The following STAG1 variants were observed in gnomAD, a reference collection of about 807,000 sequenced individuals.
STAG1 encodes cohesin subunit SA-1.
STAG1 carries 26 observed loss-of-function variants against 170.9 expected under a neutral mutation model. The ratio of observed to expected loss-of-function variants is 0.15; its 90% CI spans 0.11 to 0.21. The LOEUF (loss-of-function observed/expected upper bound fraction) is 0.21. STAG1 is among the 10% of genes least tolerant of loss of function. The pLI is 1.00. For missense variants in STAG1, 964 were observed against 1,509.5 expected (o/e 0.64, Z 5.99); for synonymous variants, 514 against 497.7 (o/e 1.03, Z -0.44).
At chr3:136,538,195 T>C (rs1935731686) in intron 6 of STAG1, among the ~76,000 whole-genome samples, 1 of 152,136 alleles carries the variant, frequency 6.6e-6, no homozygotes, top group South Asian at 2.1e-4. Flanking sequence ...TTTACACAAA[T>C]AATGATAGCG....
intron 22 of STAG1, among the ~76,000 whole-genome samples, chr3:136,388,442 C>G (rs564737524): frequency 1.9e-4 from 29 of 152,118 alleles, no homozygotes; most frequent in Non-Finnish European, 3.8e-4. Flanking sequence ...GATCTTGGCT[C>G]ACTGCAACCT....
intron 23 of STAG1, among the ~76,000 whole-genome samples, chr3:136,373,809 ATG>A (rs1308978168): frequency 6.6e-6 from 1 of 152,280 alleles, no homozygotes; most frequent in Non-Finnish European, 1.5e-5. Context: ...GCTGAAAAGA[ATG>A]TATATTCTGT....
chr3:136,450,753 A>AT (rs2088912731), intron 14 of STAG1, among the ~76,000 whole-genome samples: 1 of 152,068 alleles, frequency 6.6e-6, no homozygotes, highest in African/African-American at 2.4e-5. Context: ...TATTTATTTT[A>AT]ATTTTTTTTG....
intron 6 of STAG1, among the ~76,000 whole-genome samples, chr3:136,539,634 G>T (rs1454534041): frequency 6.6e-6 from 1 of 152,150 alleles, no homozygotes; most frequent in Non-Finnish European, 1.5e-5. Flanking sequence ...ATTTGCTTTA[G>T]CTTTCTACAG....
At chr3:136,542,932 G>A (rs918045248) in intron 5 of STAG1, among the ~76,000 whole-genome samples, 3 of 152,112 alleles carry the variant, frequency 2.0e-5, no homozygotes, top group African/African-American at 7.2e-5. Context: ...CATGCAGGCA[G>A]ACTGGCTACT....
rs371300544 is a variant in STAG1, at chr3:136,439,152, G to A, written c.1546+4135C>T. Among the ~76,000 whole-genome samples the A allele has an allele frequency of 6.4e-4, 84 of 131,122 alleles. No individual in the cohort carries two copies. In the East Asian group the frequency reaches 0.016, roughly 26 times the overall value. 86.0% of individuals were successfully genotyped at this position (131,122 alleles called of 152,430 possible). On this transcript the variant is annotated intron_variant, in intron 15 of 33. Coordinates refer to ENST00000383202, the MANE Select transcript of STAG1 (RefSeq NM_005862.3). ...CGGAGGTTGCAGTGAGCCGAGATCC[G>A]CCACTGCACTACAGCCTGGGCAACA...
Position 136,413,075 on chromosome 3 carries a change from G to A in STAG1, c.2196+4810C>T, listed in dbSNP as rs376619143. 7.9e-4 allele frequency among the ~76,000 whole-genome samples: 120 copies of A among 151,288 alleles called. 4 individuals are homozygous for A. The South Asian group carries it at 0.024, about 30-fold the overall frequency. ...GACAGGGTTTTGCCATGTAGGCCAG[G>A]CTGGTCTCGAACTCCTGACCTCAAG... On this transcript the variant is annotated intron_variant, in intron 21 of 33. Coordinates refer to ENST00000383202, the MANE Select transcript of STAG1 (RefSeq NM_005862.3).
intron 7 of STAG1, chr3:136,517,926 T>C (rs1934464638): frequency 6.6e-6 from 1 of 152,468 alleles, no homozygotes; most frequent in African/African-American, 2.4e-5. Context: ...TAAAATTTAA[T>C]TGTTAACAGT....
At position 136,363,429 on chromosome 3, in the gene STAG1, C is replaced by A; in HGVS notation, c.2724G>T (p.Leu908=). The A allele has an allele frequency of 6.2e-7, 1 of 1,601,668 alleles. No homozygotes were observed. The highest frequency in any genetic ancestry group is 8.5e-7 in the Non-Finnish European group (1 of 1,171,308). ...NDYGDIIKET[L]SKTRQIDKIQ... ...TTTTATCAATCTGCCTGGTTTTACT[C>A]AGTGTTTCCTTAATAATATCACCAT... Residue 908 remains leucine, a synonymous_variant, in exon 26 of 34, where the codon CTG becomes CTT. Transcript: ENST00000383202.
intron 1 of STAG1, among the ~76,000 whole-genome samples, chr3:136,745,632 T>C (rs959457668): frequency 7.2e-5 from 11 of 152,210 alleles, no homozygotes; most frequent in African/African-American, 2.4e-5. Flanking sequence ...GTGATAAAGC[T>C]AGCTCACCTG....
chr3:136,395,361 AC>A (rs1216547240), intron 22 of STAG1, among the ~76,000 whole-genome samples: 5 of 152,136 alleles, frequency 3.3e-5, no homozygotes, highest in African/African-American at 1.2e-4. Context: ...AGTGGCACAC[AC>A]CTGTAATCCC....
At chr3:136,547,569 A>T (rs569819248) in intron 5 of STAG1, among the ~76,000 whole-genome samples, 16 of 152,250 alleles carry the variant, frequency 1.1e-4, no homozygotes, top group African/African-American at 3.4e-4. Flanking sequence ...AAGTGTAATC[A>T]AGCAGTTATT....
intron 15 of STAG1, among the ~76,000 whole-genome samples, chr3:136,435,997 G>A (rs1054474018): frequency 1.3e-5 from 2 of 151,394 alleles, no homozygotes; most frequent in South Asian, 2.1e-4. Flanking sequence ...TTGCTCCATC[G>A]CCCAGGCCAG....
chr3:136,440,611 G>A (rs963382644), intron 15 of STAG1, among the ~76,000 whole-genome samples: 2 of 151,994 alleles, frequency 1.3e-5, no homozygotes, highest in Non-Finnish European at 2.9e-5. Context: ...ACTAACCTGA[G>A]GCCCTTTACT....
chr3:136,529,491 A>G (rs1388771737), intron 6 of STAG1, among the ~76,000 whole-genome samples: 1 of 152,204 alleles, frequency 6.6e-6, no homozygotes, highest in African/African-American at 2.4e-5. Context: ...TCACACTGCT[A>G]AAAGAAAACA....
At position 136,752,260 on chromosome 3, in the gene STAG1, T is replaced by A. The variant is rs1158897019; in HGVS notation, c.-149A>T. 2.6e-5 allele frequency: 4 copies of A among 152,804 alleles called. No homozygotes were observed. Among genetic ancestry groups the A allele is most frequent in the Non-Finnish European group, 5.9e-5 (4 of 68,094 alleles). 9.5% of individuals were successfully genotyped at this position (152,804 alleles called of 1,614,324 possible). ...TTCCCCCCAAAAGTCTCCGGTGTGT[T>A]ATTCCCGATGTGGGGGGGTTGTTAC... On this transcript the variant is annotated 5_prime_UTR_variant, in exon 1 of 34. Coordinates refer to ENST00000383202, the MANE Select transcript of STAG1 (RefSeq NM_005862.3).
intron 21 of STAG1, among the ~76,000 whole-genome samples, chr3:136,413,185 A>G (rs1264569474): frequency 6.7e-6 from 1 of 148,316 alleles, no homozygotes; most frequent in Non-Finnish European, 1.5e-5. Context: ...TTATATATGC[A>G]TATTAACATG....
chr3:136,572,601 CA>C (rs11379268), intron 4 of STAG1, among the ~76,000 whole-genome samples: 113 of 66,676 alleles, frequency 1.7e-3, no homozygotes, highest in South Asian at 0.013. Flanking sequence ...AAGACTGTCT[CA>C]AAAAAAAAAA....
intron 3 of STAG1, among the ~76,000 whole-genome samples, chr3:136,622,856 C>T (rs778981914): frequency 8.5e-5 from 13 of 152,288 alleles, no homozygotes; most frequent in Non-Finnish European, 1.6e-4. Flanking sequence ...ATCTGAAAAG[C>T]AGCAAGTCTT....
Sources: allele counts gnomAD v4.1 joint callset (sites outside exome capture counted in the v4.1 genomes callset), GRCh38; gene constraint gnomAD v4.1.1; transcripts MANE v1.5; gene names NCBI Gene and HGNC (gene_info 2026-07-23, HGNC 2026-07-21).